The following CMIP variants were observed in gnomAD, a reference collection of about 807,000 sequenced individuals.
CMIP encodes c-Maf inducing protein.
A neutral mutation model predicts 97.3 loss-of-function variants in CMIP; 13 were observed. That is an observed-to-expected ratio of 0.13 (90% CI 0.09 to 0.21). The LOEUF (loss-of-function observed/expected upper bound fraction) is 0.21, where lower values mean the gene tolerates loss of function less well. Ranked by LOEUF, CMIP falls within the 10% of genes least tolerant of loss-of-function variation. CMIP has a pLI of 1.00. For missense variants in CMIP, 847 were observed against 1,024.9 expected (o/e 0.83, Z 2.37); for synonymous variants, 538 against 436.3 (o/e 1.23, Z -2.91).
chr16:81,698,110 C>G (rs904702271), intron 14 of CMIP: 1 of 150,030 alleles, frequency 6.7e-6, no homozygotes, highest in Non-Finnish European at 1.5e-5. Flanking sequence ...CATGATGGAG[C>G]GGAAAAAATA....
intron 17 of CMIP, among the ~76,000 whole-genome samples, chr16:81,702,905 A>T (rs569850791): frequency 5.9e-5 from 9 of 152,340 alleles, no homozygotes; most frequent in African/African-American, 1.9e-4. Flanking sequence ...AATAGTGTTG[A>T]TATCTAGTTA....
intron 1 of CMIP, among the ~76,000 whole-genome samples, chr16:81,577,036 A>T (rs1429277587): frequency 7.6e-6 from 1 of 131,902 alleles, no homozygotes; most frequent in African/African-American, 3.5e-5. Context: ...CACCATCACC[A>T]TCATCACCAT....
At chr16:81,577,246 A>G (rs890297735) in intron 1 of CMIP, among the ~76,000 whole-genome samples, 3 of 150,634 alleles carry the variant, frequency 2.0e-5, no homozygotes, top group Non-Finnish European at 4.4e-5. Flanking sequence ...TTACCACTAC[A>G]TTATTATCAC....
chr16:81,601,657 A>C (rs2091659478), intron 1 of CMIP, among the ~76,000 whole-genome samples: 1 of 152,016 alleles, frequency 6.6e-6, no homozygotes, highest in Non-Finnish European at 1.5e-5. Flanking sequence ...GATCCCCCAA[A>C]ACTAGCTCCA....
chr16:81,487,709 G>GC (rs1221477954), intron 1 of CMIP, among the ~76,000 whole-genome samples: 1 of 152,176 alleles, frequency 6.6e-6, no homozygotes, highest in Non-Finnish European at 1.5e-5. Flanking sequence ...TGGCTTCCTT[G>GC]CACCACTCTC....
chr16:81,577,680 C>G (rs563882614), intron 1 of CMIP, among the ~76,000 whole-genome samples: 113 of 151,576 alleles, frequency 7.5e-4, no homozygotes, highest in African/African-American at 2.7e-3. Flanking sequence ...CCCATTACCA[C>G]TACATTATTA....
At chr16:81,684,377 G>C (rs774912265) in intron 10 of CMIP, among the ~76,000 whole-genome samples, 4 of 152,248 alleles carry the variant, frequency 2.6e-5, no homozygotes, top group Non-Finnish European at 5.9e-5. Flanking sequence ...CATGCCCCGT[G>C]CCTTCCCAAG....
chr16:81,569,459 G>T (rs2091043914), intron 1 of CMIP, among the ~76,000 whole-genome samples: 4 of 152,218 alleles, frequency 2.6e-5, no homozygotes, highest in Admixed American at 2.6e-4. Context: ...GAGGGACATG[G>T]CACTGGCTGG....
chr16:81,645,510 A>G, intron 3 of CMIP: 1 of 1,535,922 alleles, frequency 6.5e-7, no homozygotes. Flanking sequence ...GTGGAGGAGC[A>G]ACAGGCTCTG....
chr16:81,594,893 G>A lies in CMIP; in HGVS notation c.301-12674G>A, dbSNP rs535815016. 1.1e-3 allele frequency among the ~76,000 whole-genome samples: 163 copies of A among 149,928 alleles called. 1 individual carries two copies. Among genetic ancestry groups the A allele is most frequent in the Non-Finnish European group, 9.4e-4 (64 of 67,814 alleles). On this transcript the variant is annotated intron_variant, in intron 1 of 20. Coordinates refer to ENST00000537098, the MANE Select transcript of CMIP (RefSeq NM_198390.3). ...GATCCGCCCGCCTCGGCCTCCCAAA[G>A]TGCTGGGGATTACAGGTGTGAGCCA...
intron 9 of CMIP, among the ~76,000 whole-genome samples, chr16:81,673,871 C>G (rs938462021): frequency 6.6e-6 from 1 of 152,212 alleles, no homozygotes; most frequent in Non-Finnish European, 1.5e-5. Context: ...AGGAGACCAA[C>G]ATGAGTCCAG....
chr16:81,665,704 C>G (rs929041915), intron 7 of CMIP: 1 of 152,204 alleles, frequency 6.6e-6, no homozygotes, highest in Non-Finnish European at 1.5e-5. Flanking sequence ...CACCATGCCC[C>G]TGAAGAATAG....
intron 1 of CMIP, among the ~76,000 whole-genome samples, chr16:81,567,933 G>T (rs2091011521): frequency 6.6e-6 from 1 of 151,636 alleles, no homozygotes; most frequent in Non-Finnish European, 1.5e-5. Context: ...CATTCTCCAG[G>T]CTTTATTTTG....
chr16:81,546,312 C>T (rs570461120), intron 1 of CMIP, among the ~76,000 whole-genome samples: 3 of 152,248 alleles, frequency 2.0e-5, no homozygotes, highest in East Asian at 1.9e-4. Context: ...ATGCCTTGTT[C>T]GCCGGCGGCA....
At chr16:81,690,221 A>G (rs1905896919) in intron 10 of CMIP, among the ~76,000 whole-genome samples, 1 of 152,184 alleles carries the variant, frequency 6.6e-6, no homozygotes, top group South Asian at 2.1e-4. Context: ...TGGGGATGGC[A>G]TTGAATCTAT....
chr16:81,536,257 A>G (rs1485970340), intron 1 of CMIP, among the ~76,000 whole-genome samples: 1 of 152,148 alleles, frequency 6.6e-6, no homozygotes, highest in Admixed American at 6.6e-5. Context: ...GAGGATGACC[A>G]AAGGTACTTG....
intron 1 of CMIP, among the ~76,000 whole-genome samples, chr16:81,561,116 G>C (rs899266712): frequency 3.3e-5 from 5 of 152,068 alleles, no homozygotes; most frequent in Non-Finnish European, 5.9e-5. Flanking sequence ...CACCACGCTT[G>C]GCTACTTTTT....
chr16:81,710,013 C>A lies in CMIP; in HGVS notation c.*214C>A. The A allele has an allele frequency of 2.8e-6, 1 of 352,352 alleles. No individual in the cohort carries two copies. The allele number at this position is 352,352 out of a possible 1,614,324, so 21.8% of individuals were successfully genotyped here. A position where few individuals can be genotyped will look rare whatever the true frequency, so the allele number is the denominator to read the frequency against. On this transcript the variant is annotated 3_prime_UTR_variant, in exon 21 of 21. Transcript: ENST00000537098. Reference sequence around the variant, plus strand: ...ATTCTTTTAGCTTCGTAATTGGAACCTTTGACCTGATCTAAAGTGGACTTT... The same window carrying A: ...ATTCTTTTAGCTTCGTAATTGGAACATTTGACCTGATCTAAAGTGGACTTT...
chr16:81,499,397 C>G (rs2089554200), intron 1 of CMIP, among the ~76,000 whole-genome samples: 1 of 152,238 alleles, frequency 6.6e-6, no homozygotes. Flanking sequence ...CTCCAGCTCC[C>G]TTTCAGAGTC....
Sources: gnomAD v4.1 joint callset for allele counts (sites outside exome capture counted in the v4.1 genomes callset) on GRCh38, gnomAD v4.1.1 for gene constraint, MANE v1.5 for transcripts, NCBI Gene and HGNC (gene_info 2026-07-23, HGNC 2026-07-21) for gene names.